The following ALDH4A1 variants were observed in gnomAD, a reference collection of about 807,000 sequenced individuals.
ALDH4A1 encodes aldehyde dehydrogenase 4 family member A1.
A neutral mutation model predicts 70.5 loss-of-function variants in ALDH4A1; 46 were observed. The observed-to-expected ratio is 0.65, with a 90% confidence interval of 0.51 to 0.83. ALDH4A1 has a LOEUF of 0.83. ALDH4A1 is among the 40% of genes least tolerant of loss of function. The pLI is 0.00. For synonymous variants in ALDH4A1, 323 were observed against 324.3 expected (o/e 1.00, Z 0.04); for missense variants, 749 against 766.5 (o/e 0.98, Z 0.27).
chr1:18,877,675 CA>C, intron 9 of ALDH4A1, 63 bp from the exon 10 acceptor site: 1 of 1,456,060 alleles, frequency 6.9e-7, no homozygotes, highest in Admixed American at 1.8e-5. Context: ...CCCAGGGGCC[CA>C]AAACACCACC....
chr1:18,876,874 T>C (rs531834151), intron 11 of ALDH4A1, among the ~76,000 whole-genome samples: 3 of 152,298 alleles, frequency 2.0e-5, no homozygotes, highest in African/African-American at 7.2e-5. Context: ...TGCAAATGGA[T>C]ATGTACGTGT....
intron 2 of ALDH4A1, among the ~76,000 whole-genome samples, chr1:18,889,669 C>T (rs751786628): frequency 1.1e-4 from 17 of 152,156 alleles, no homozygotes; most frequent in Non-Finnish European, 1.3e-4. Context: ...GTGAGGTCTA[C>T]CCATGACACA....
At chr1:18,883,723 T>C (rs1462742335) in intron 5 of ALDH4A1, among the ~76,000 whole-genome samples, 2 of 152,128 alleles carry the variant, frequency 1.3e-5, no homozygotes, top group African/African-American at 4.8e-5. Context: ...TCATAGCAAC[T>C]CTGAATGGTG....
chr1:18,882,482 A>T, intron 7 of ALDH4A1: 1 of 495,478 alleles, frequency 2.0e-6, no homozygotes, highest in Non-Finnish European at 4.2e-6. Flanking sequence ...TTCATCCAGT[A>T]ATAGCCAACC....
chr1:18,876,552 C>A (rs1934694576), intron 11 of ALDH4A1, 85 bp from the exon 12 acceptor site: 1 of 1,448,138 alleles, frequency 6.9e-7, no homozygotes, highest in Non-Finnish European at 9.3e-7. Context: ...CCCCGAAACA[C>A]CTGCACCTGA....
rs1168070771 is a variant in ALDH4A1, at chr1:18,877,469, G to T, written c.1084C>A (p.Pro362Thr). ...TCCAGCAGCCGCCCTTTGATCTGCG[G>T]CCACAGCGAGTGCGGCACGTAGAGA... The part of the protein sequence containing the change: ...SRLYVPHSLW[P>T]QIKGRLLEEH... The change falls in exon 10 of 15, where the codon CCG (proline) becomes ACG (threonine). Residue 362 changes from proline to threonine, a missense_variant. Pro to Thr is a conservative substitution (Grantham distance 38). Coordinates refer to ENST00000375341, the MANE Select transcript of ALDH4A1 (RefSeq NM_003748.4). The T allele has an allele frequency of 1.3e-6, 2 of 1,596,106 alleles. No homozygotes were observed. The highest frequency in any genetic ancestry group is 1.7e-5 in the Admixed American group (1 of 57,956).
At position 18,880,954 on chromosome 1, in the gene ALDH4A1, C is replaced by T. The variant is rs571091928; in HGVS notation, c.866+746G>A. On this transcript the variant is annotated intron_variant, in intron 8 of 14. Transcript: ENST00000375341. The surrounding 1 kb of genome is among the most constrained non-coding windows in gnomAD (Gnocchi z 5.1). ...AAAGGCCAGACACCTTTGCAGACTC[C>T]TAAGTATCTTATGGTCACTGAACCA... Among the ~76,000 whole-genome samples the T allele has an allele frequency of 6.6e-6, 1 of 152,248 alleles. No homozygotes were observed. The highest frequency in any genetic ancestry group is 2.4e-5 in the African/African-American group (1 of 41,538).
chr1:18,875,371 T>C lies in ALDH4A1; in HGVS notation c.1460+11A>G, dbSNP rs1340686710. 5 of 1,614,046 alleles carry C rather than the reference T, an allele frequency of 3.1e-6. No individual in the cohort carries two copies. Among genetic ancestry groups the C allele is most frequent in the Non-Finnish European group, 4.2e-6 (5 of 1,179,998 alleles). On this transcript the variant is annotated intron_variant, in intron 13 of 14. Transcript: ENST00000375341. ...GGAGCACAGCACCAGGGCTGCGGCC[T>C]GGCCACTCACTTATCCTGGGAGAAC... is the stretch of plus-strand genomic sequence containing the variant.
chr1:18,895,162 G>A (rs74968065), intron 1 of ALDH4A1, among the ~76,000 whole-genome samples: 5,549 of 152,260 alleles, frequency 0.036, 103 homozygotes, highest in Middle Eastern at 0.058. Context: ...CTGGCTCTGG[G>A]AGGCAGATAT....
At chr1:18,877,394 C>CG (rs1934749825) in intron 10 of ALDH4A1, 22 bp downstream of exon 10, 5 of 1,555,922 alleles carry the variant, frequency 3.2e-6, no homozygotes, top group Middle Eastern at 1.8e-4. Flanking sequence ...TGGGCCGCGG[C>CG]GGGGGTGACG....
chr1:18,888,137 C>T (rs547399134), intron 3 of ALDH4A1, among the ~76,000 whole-genome samples: 6 of 152,332 alleles, frequency 3.9e-5, no homozygotes, highest in Middle Eastern at 3.4e-3. Context: ...GCCGCTGGAA[C>T]GGACAATGCA....
intron 1 of ALDH4A1, among the ~76,000 whole-genome samples, chr1:18,901,558 T>G (rs1935799714): frequency 6.6e-6 from 1 of 152,118 alleles, no homozygotes; most frequent in Non-Finnish European, 1.5e-5. Flanking sequence ...TCTGAGAATA[T>G]TTGTCATTGA....
intron 3 of ALDH4A1, among the ~76,000 whole-genome samples, chr1:18,889,062 T>C (rs1294773685): frequency 1.3e-5 from 2 of 152,210 alleles, no homozygotes; most frequent in African/African-American, 4.8e-5. Flanking sequence ...CCCAGCTTTT[T>C]GTCATTAGCT....
intron 3 of ALDH4A1, among the ~76,000 whole-genome samples, chr1:18,889,105 A>G (rs1935333542): frequency 1.3e-5 from 2 of 152,232 alleles, no homozygotes; most frequent in Non-Finnish European, 1.5e-5. Flanking sequence ...TCTATGAGGA[A>G]TAACAGAAGA....
rs906372772 is a variant in ALDH4A1, at chr1:18,877,425, T to G, written c.1128A>C (p.Lys376Asn). The G allele has an allele frequency of 6.3e-6, 10 of 1,575,534 alleles. No individual in the cohort carries two copies. The highest frequency in any genetic ancestry group is 8.6e-6 in the Non-Finnish European group (10 of 1,159,872). ...TGACGGTGCCACTCACGTCGCCCAC[T>G]TTGATCCGACTGTGCTCCTCCAGCA... Reference protein sequence around the residue: ...GRLLEEHSRIKVGDPAEDFGT... With the variant: ...GRLLEEHSRINVGDPAEDFGT... The change falls in exon 10 of 15, where the codon AAA (lysine) becomes AAC (asparagine). Residue 376 changes from lysine to asparagine, a missense_variant. Transcript: ENST00000375341.
intron 9 of ALDH4A1, among the ~76,000 whole-genome samples, chr1:18,878,422 T>C (rs1338180678): frequency 6.6e-6 from 1 of 152,044 alleles, no homozygotes; most frequent in Non-Finnish European, 1.5e-5. Flanking sequence ...TCACCTTCCC[T>C]GACACCCCCA....
chr1:18,875,520 G>A lies in ALDH4A1; in HGVS notation c.1339-17C>T, dbSNP rs546525294. 8.1e-6 allele frequency: 13 copies of A among 1,613,898 alleles called. No individual in the cohort carries two copies. Among genetic ancestry groups the A allele is most frequent in the Middle Eastern group, 1.7e-4 (1 of 6,032 alleles). ...GAAGATCTCCTAGGAGAGAGGCCCC[G>A]GCGTCAGACCCTCCACGGGACCAGG... On this transcript the variant is annotated splice_polypyrimidine_tract_variant and intron_variant, in intron 12 of 14. Transcript: ENST00000375341.
chr1:18,879,440 G>T (rs1042956133), intron 8 of ALDH4A1, 67 bp from the exon 9 acceptor site: 146 of 1,435,144 alleles, frequency 1.0e-4, no homozygotes, highest in Non-Finnish European at 1.3e-4. Flanking sequence ...GAAAAGCCCA[G>T]GGAGGAGCAT....
At chr1:18,883,868 G>A (rs1319336496) in intron 5 of ALDH4A1, among the ~76,000 whole-genome samples, 1 of 152,202 alleles carries the variant, frequency 6.6e-6, no homozygotes, top group Admixed American at 6.5e-5. Flanking sequence ...TGTGGGAGGT[G>A]GATGGCTCCT....
Sources: allele counts gnomAD v4.1 joint callset (sites outside exome capture counted in the v4.1 genomes callset), GRCh38; gene constraint gnomAD v4.1.1; non-coding constraint Gnocchi (gnomAD v3.1); transcripts MANE v1.5; gene names NCBI Gene and HGNC (gene_info 2026-07-23, HGNC 2026-07-21).